The following KIAA1671 variants were observed in gnomAD, a reference collection of about 807,000 sequenced individuals.
The protein encoded by KIAA1671 is KIAA1671, also known as uncharacterized protein KIAA1671.
A neutral mutation model predicts 131.2 loss-of-function variants in KIAA1671; 52 were observed. That is an observed-to-expected ratio of 0.40 (90% CI 0.32 to 0.50). KIAA1671 has a LOEUF of 0.50. Ranked by LOEUF, KIAA1671 falls within the 20% of genes least tolerant of loss-of-function variation. The pLI is 0.73. For missense variants in KIAA1671, 2,360 were observed against 2,364.2 expected, an observed-to-expected ratio of 1.00 and a Z score of 0.04; for synonymous variants, 1,003 against 961.6, an observed-to-expected ratio of 1.04 and a Z score of -0.80.
chr22:25,174,740 C>A, intron 8 of KIAA1671: 1 of 420,448 alleles, frequency 2.4e-6, no homozygotes, highest in Non-Finnish European at 4.2e-6. Context: ...ATCATCAGCT[C>A]CACAGCCTCA....
At chr22:25,046,147 C>A (rs1251728608) in intron 5 of KIAA1671, among the ~76,000 whole-genome samples, 2 of 151,854 alleles carry the variant, frequency 1.3e-5, no homozygotes, top group African/African-American at 4.8e-5. Context: ...ACTAAAAATA[C>A]AAAAATTAGC....
At chr22:25,109,018 C>T (rs1437194790) in intron 6 of KIAA1671, among the ~76,000 whole-genome samples, 1 of 152,180 alleles carries the variant, frequency 6.6e-6, no homozygotes, top group Non-Finnish European at 1.5e-5. Flanking sequence ...ATCCTCACAA[C>T]ATGGCGGCTG....
Position 25,040,252 on chromosome 22 carries a change from A to C in KIAA1671, c.3122A>C (p.Lys1041Thr), listed in dbSNP as rs1926836315. ...CAGATTCCCAATACTCAAAAGGCAA[A>C]GGGTGTGGTTCTGTCAGGAGCTGAA... The part of the protein sequence containing the change: ...TYQIPNTQKA[K>T]GVVLSGAESL... Residue 1041 changes from lysine to threonine, a missense_variant, in exon 5 of 13, where the codon AAG becomes ACG. Lys to Thr is a moderately conservative substitution (Grantham distance 78). Transcript: ENST00000358431. The C allele has an allele frequency of 6.4e-7, 1 of 1,551,734 alleles. No homozygotes were observed. Among genetic ancestry groups the C allele is most frequent in the African/African-American group, 1.4e-5 (1 of 73,172 alleles).
intron 6 of KIAA1671, among the ~76,000 whole-genome samples, chr22:25,093,721 A>ATTTCTCTCTCTCTCTCTGT (rs1568950875): frequency 1.6e-4 from 15 of 93,064 alleles, no homozygotes; most frequent in African/African-American, 1.1e-3. Flanking sequence ...ACACACACAC[A>ATTTCTCTCTCTCTCTCTGT]CACACACACA....
intron 1 of KIAA1671, among the ~76,000 whole-genome samples, chr22:24,961,717 A>G (rs1022420969): frequency 6.6e-6 from 1 of 152,374 alleles, no homozygotes; most frequent in Non-Finnish European, 1.5e-5. Flanking sequence ...GGCAAGCCTG[A>G]CATCAATGAG....
chr22:25,032,560 G>T, intron 3 of KIAA1671, 49 bp from the exon 4 acceptor site: 1 of 1,215,154 alleles, frequency 8.2e-7, no homozygotes, highest in Middle Eastern at 1.9e-4. Flanking sequence ...TGGGCTGGGG[G>T]GAATAACAGC....
intron 1 of KIAA1671, among the ~76,000 whole-genome samples, chr22:24,987,727 G>A (rs1324780956): frequency 2.0e-5 from 3 of 152,202 alleles, no homozygotes; most frequent in Admixed American, 2.0e-4. Context: ...GAGTAGCAGG[G>A]ATTACAGGTG....
chr22:24,953,183 G>A (rs973748019), intron 1 of KIAA1671, among the ~76,000 whole-genome samples: 3 of 152,162 alleles, frequency 2.0e-5, no homozygotes, highest in African/African-American at 7.2e-5. Flanking sequence ...TTCGAGACTG[G>A]GAGCGAGAGG....
intron 6 of KIAA1671, among the ~76,000 whole-genome samples, chr22:25,121,214 G>A (rs1568967288): frequency 6.6e-6 from 1 of 152,292 alleles, no homozygotes; most frequent in East Asian, 1.9e-4. Context: ...TGTAGTCCCA[G>A]CACTTTGGGA....
At chr22:25,034,504 G>A (rs1175492404) in intron 4 of KIAA1671, among the ~76,000 whole-genome samples, 1 of 151,132 alleles carries the variant, frequency 6.6e-6, no homozygotes, top group Non-Finnish European at 1.5e-5. Flanking sequence ...TAATTATGTT[G>A]AGATCATTCA....
chr22:25,090,822 T>C (rs1929993411), intron 6 of KIAA1671, among the ~76,000 whole-genome samples: 1 of 152,250 alleles, frequency 6.6e-6, no homozygotes, highest in Non-Finnish European at 1.5e-5. Flanking sequence ...CCCACAGGGC[T>C]GTCTTTCTGT....
At chr22:25,102,807 T>C (rs1029601227) in intron 6 of KIAA1671, 3 of 152,594 alleles carry the variant, frequency 2.0e-5, no homozygotes, top group Non-Finnish European at 2.9e-5. Flanking sequence ...GTCACAACCT[T>C]TTGAAGGGGG....
At chr22:25,142,409 C>T (rs539077215) in intron 6 of KIAA1671, among the ~76,000 whole-genome samples, 1 of 152,322 alleles carries the variant, frequency 6.6e-6, no homozygotes, top group East Asian at 1.9e-4. Context: ...ACAGTAGAGT[C>T]ACAGCTCTGG....
intron 6 of KIAA1671, among the ~76,000 whole-genome samples, chr22:25,170,425 G>T (rs1441787050): frequency 6.6e-6 from 1 of 152,168 alleles, no homozygotes; most frequent in East Asian, 1.9e-4. Flanking sequence ...CTGGGCAAGC[G>T]GGTGCATGGA....
intron 11 of KIAA1671, chr22:25,186,243 TA>T (rs1934470051): frequency 6.5e-6 from 1 of 152,726 alleles, no homozygotes; most frequent in African/African-American, 2.4e-5. Flanking sequence ...GAAGGGCTCA[TA>T]ATGCACACTT....
chr22:25,105,826 G>C (rs887755623), intron 6 of KIAA1671, among the ~76,000 whole-genome samples: 1 of 151,838 alleles, frequency 6.6e-6, no homozygotes, highest in Non-Finnish European at 1.5e-5. Context: ...AGTTGGGGGG[G>C]GGGGGTGCCA....
At chr22:25,166,363 T>C (rs918998420) in intron 6 of KIAA1671, among the ~76,000 whole-genome samples, 4 of 152,116 alleles carry the variant, frequency 2.6e-5, no homozygotes, top group Non-Finnish European at 5.9e-5. Context: ...GGCACACAGA[T>C]GGTTGTATAA....
At chr22:25,123,479 A>G (rs1413774788) in intron 6 of KIAA1671, among the ~76,000 whole-genome samples, 2 of 152,116 alleles carry the variant, frequency 1.3e-5, no homozygotes, top group African/African-American at 4.8e-5. Context: ...GGCGTGAGCT[A>G]CCGTGCCCGG....
intron 1 of KIAA1671, among the ~76,000 whole-genome samples, chr22:24,972,537 T>A (rs1922678747): frequency 6.6e-6 from 1 of 152,196 alleles, no homozygotes; most frequent in Non-Finnish European, 1.5e-5. Context: ...TGTATTCATC[T>A]ATCATTTCAT....
Sources: allele counts gnomAD v4.1 joint callset (sites outside exome capture counted in the v4.1 genomes callset), GRCh38; gene constraint gnomAD v4.1.1; transcripts MANE v1.5; gene names NCBI Gene and HGNC (gene_info 2026-07-23, HGNC 2026-07-21).